Variants in TEC observed in about 807,000 individuals in gnomAD.
TEC encodes the protein tec protein tyrosine kinase.
TEC carries 72 observed loss-of-function variants against 93.0 expected under a neutral mutation model. The ratio of observed to expected loss-of-function variants is 0.77; its 90% CI spans 0.64 to 0.94. The LOEUF (loss-of-function observed/expected upper bound fraction) is 0.94, where lower values mean the gene tolerates loss of function less well. Ranked by LOEUF, TEC falls within the 40% of genes least tolerant of loss-of-function variation. The pLI, the probability that TEC is intolerant of heterozygous loss-of-function variation, is 0.00. For missense variants in TEC, 630 were observed against 757.9 expected, an observed-to-expected ratio of 0.83 and a Z score of 1.98; for synonymous variants, 249 against 247.7, an observed-to-expected ratio of 1.01 and a Z score of -0.05.
rs182366408 is a variant in TEC at position 48,138,738 on chromosome 4, C to T, written c.1739G>A (p.Arg580Gln). Residue 580 changes from arginine (R) to glutamine (Q), a missense_variant, in exon 17 of 18, where the codon CGA (arginine) becomes CAA (glutamine). Physicochemically the swap from Arg to Gln is conservative, Grantham distance 43. Around this residue, in one of 3 missense-constraint regions of TEC, gnomAD observed 289 missense variants for 390.0 expected, o/e 0.74. Transcript: ENST00000381501. Reference protein sequence around the residue: ...TNYEVVTMVTRGHRLYQPKLA... With the variant: ...TNYEVVTMVTQGHRLYQPKLA... ...CTTCGGCTGGTAGAGTCGGTGGCCT[C>T]GAGTAACCATGGTTACCACTTCATA... is the stretch of plus-strand genomic sequence containing the variant. 30 of 1,614,134 alleles carry T rather than the reference C, an allele frequency of 1.9e-5. No homozygotes were observed. In the South Asian group the frequency reaches 2.1e-4, roughly 11 times the overall value.
At chr4:48,235,829 T>C (rs1428460008) in intron 1 of TEC, among the ~76,000 whole-genome samples, 3 of 152,230 alleles carry the variant, frequency 2.0e-5, no homozygotes, top group Admixed American at 6.5e-5. Flanking sequence ...ACTTTCAATG[T>C]ATTGAATCAC....
chr4:48,175,305 C>T (rs1198807688), intron 3 of TEC, among the ~76,000 whole-genome samples: 4 of 152,194 alleles, frequency 2.6e-5, no homozygotes, highest in Non-Finnish European at 5.9e-5. Flanking sequence ...AAAAATTCCA[C>T]CACATTGAAA....
chr4:48,165,639 G>A (rs1249661999), intron 7 of TEC, among the ~76,000 whole-genome samples: 3 of 152,080 alleles, frequency 2.0e-5, no homozygotes, highest in African/African-American at 2.4e-5. Context: ...AGCTCTACTC[G>A]CCAGTTCACA....
At chr4:48,188,996 A>G (rs369830516) in intron 2 of TEC, among the ~76,000 whole-genome samples, 3 of 152,154 alleles carry the variant, frequency 2.0e-5, no homozygotes, top group Non-Finnish European at 4.4e-5. Flanking sequence ...AACATTTGTA[A>G]TTACTGTATA....
intron 15 of TEC, among the ~76,000 whole-genome samples, chr4:48,139,250 C>G (rs946973257): frequency 2.6e-5 from 4 of 152,228 alleles, no homozygotes; most frequent in African/African-American, 9.6e-5. Context: ...ACCATCTGCA[C>G]TTTCATTTTT....
At chr4:48,207,783 G>A (rs1316254249) in intron 2 of TEC, among the ~76,000 whole-genome samples, 1 of 152,012 alleles carries the variant, frequency 6.6e-6, no homozygotes, top group Non-Finnish European at 1.5e-5. Context: ...GTGAGACCTC[G>A]TCTCAAAATA....
At chr4:48,155,082 G>A (rs1446371664) in intron 9 of TEC, among the ~76,000 whole-genome samples, 1 of 152,094 alleles carries the variant, frequency 6.6e-6, no homozygotes, top group Non-Finnish European at 1.5e-5. Flanking sequence ...ATGTTCTGGA[G>A]GTAGAGAAAA....
chr4:48,177,554 C>T (rs1721379386), intron 2 of TEC, among the ~76,000 whole-genome samples: 1 of 152,194 alleles, frequency 6.6e-6, no homozygotes, highest in Non-Finnish European at 1.5e-5. Flanking sequence ...GCCTCATTCA[C>T]CTGGGCCATC....
chr4:48,195,057 T>G (rs1300295104), intron 2 of TEC, among the ~76,000 whole-genome samples: 1 of 152,348 alleles, frequency 6.6e-6, no homozygotes, highest in East Asian at 1.9e-4. Flanking sequence ...GTGATGGCAC[T>G]AAGATTCTGC....
At chr4:48,237,314 T>G (rs1723811296) in intron 1 of TEC, among the ~76,000 whole-genome samples, 1 of 143,846 alleles carries the variant, frequency 7.0e-6, no homozygotes, top group Non-Finnish European at 1.5e-5. Context: ...AGTAAGACTC[T>G]GTCTCAAAAA....
intron 2 of TEC, among the ~76,000 whole-genome samples, chr4:48,188,627 A>AG: frequency 6.6e-6 from 1 of 152,168 alleles, no homozygotes; most frequent in East Asian, 1.9e-4. Flanking sequence ...TGTATGCTAT[A>AG]CATACATATA....
chr4:48,245,086 A>T (rs1724018582), intron 1 of TEC, among the ~76,000 whole-genome samples: 1 of 152,074 alleles, frequency 6.6e-6, no homozygotes, highest in Admixed American at 6.5e-5. Flanking sequence ...CGAGGTGAGG[A>T]TATTCAGACC....
At chr4:48,254,642 T>A (rs891347410) in intron 1 of TEC, among the ~76,000 whole-genome samples, 1 of 152,260 alleles carries the variant, frequency 6.6e-6, no homozygotes, top group Non-Finnish European at 1.5e-5. Context: ...CCAGATGGTG[T>A]CAGAGACCAA....
At chr4:48,261,177 A>G (rs1240838159) in intron 1 of TEC, among the ~76,000 whole-genome samples, 1 of 152,192 alleles carries the variant, frequency 6.6e-6, no homozygotes, top group Non-Finnish European at 1.5e-5. Flanking sequence ...CAATGCTTCT[A>G]TAACTGGTTT....
In TEC at chr4:48,136,567, C is replaced by T. The variant is rs963254525; in HGVS notation, c.*849G>A. ...TCTGATTCTGATTAGCTGCGGCCAC[C>T]ATGGGCAGGATTACATAGGCCAAAT... On this transcript the variant is annotated 3_prime_UTR_variant, in exon 18 of 18. Coordinates refer to ENST00000381501, the MANE Select transcript of TEC (RefSeq NM_003215.3). 2 of 152,178 alleles carry T rather than the reference C, an allele frequency of 1.3e-5. No individual in the cohort carries two copies. Among genetic ancestry groups the T allele is most frequent in the Non-Finnish European group, 2.9e-5 (2 of 68,042 alleles). The allele number at this position is 152,178 out of a possible 1,614,324, so 9.4% of individuals were successfully genotyped here. A position where few individuals can be genotyped will look rare whatever the true frequency, so the allele number is the denominator to read the frequency against.
At chr4:48,227,338 A>C (rs1183095402) in intron 2 of TEC, among the ~76,000 whole-genome samples, 1 of 152,116 alleles carries the variant, frequency 6.6e-6, no homozygotes, top group African/African-American at 2.4e-5. Flanking sequence ...TCTAGAAAAA[A>C]AACAGAATGA....
intron 1 of TEC, among the ~76,000 whole-genome samples, chr4:48,237,868 T>C (rs1241473391): frequency 1.3e-5 from 2 of 152,246 alleles, no homozygotes; most frequent in Non-Finnish European, 2.9e-5. Flanking sequence ...AAAGTTACTA[T>C]TTGTTTGCAA....
intron 2 of TEC, among the ~76,000 whole-genome samples, chr4:48,190,547 T>A (rs1560400563): frequency 6.6e-6 from 1 of 152,196 alleles, no homozygotes; most frequent in Non-Finnish European, 1.5e-5. Flanking sequence ...AGGAAATAAG[T>A]CATGGACAGC....
chr4:48,172,297 T>G (rs1289209987), intron 3 of TEC, among the ~76,000 whole-genome samples: 1 of 152,192 alleles, frequency 6.6e-6, no homozygotes, highest in African/African-American at 2.4e-5. Flanking sequence ...AAAAAGTTAA[T>G]ACATGGCTAG....
Sources: allele counts gnomAD v4.1 joint callset (sites outside exome capture counted in the v4.1 genomes callset), GRCh38; gene constraint gnomAD v4.1.1; regional missense constraint gnomAD v4.1.1; transcripts MANE v1.5; gene names NCBI Gene and HGNC (gene_info 2026-07-23, HGNC 2026-07-21).